Variants in CNTNAP2 observed in about 807,000 individuals in gnomAD.
CNTNAP2 encodes the protein contactin-associated protein-like 2.
In CNTNAP2, 98 loss-of-function variants were observed where a neutral mutation model predicts 155.2. The observed-to-expected ratio is 0.63, with a 90% CI of 0.54 to 0.75. The LOEUF (loss-of-function observed/expected upper bound fraction) is 0.75. CNTNAP2 is among the 30% of genes least tolerant of loss of function. The pLI is 0.00. For missense variants in CNTNAP2, 1,727 were observed against 1,688.1 expected (o/e 1.02, Z -0.40); for synonymous variants, 651 against 631.2 (o/e 1.03, Z -0.47).
chr7:146,834,328 A>G (rs535512200), intron 2 of CNTNAP2, among the ~76,000 whole-genome samples: 1 of 152,300 alleles, frequency 6.6e-6, no homozygotes, highest in African/African-American at 2.4e-5. Flanking sequence ...CAGATTCTCT[A>G]TTGTAATGGA....
At chr7:147,131,947 A>G (rs1041667161) in intron 7 of CNTNAP2, among the ~76,000 whole-genome samples, 13 of 151,892 alleles carry the variant, frequency 8.6e-5, no homozygotes, top group Non-Finnish European at 1.5e-4. Flanking sequence ...CAACACACAT[A>G]CACACTTTAC....
At chr7:147,912,887 C>T (rs759796220) in intron 14 of CNTNAP2, among the ~76,000 whole-genome samples, 7 of 152,170 alleles carry the variant, frequency 4.6e-5, no homozygotes, top group Non-Finnish European at 1.0e-4. Flanking sequence ...CAAAGGTGTG[C>T]GTCAATCACC....
chr7:146,906,638 G>A (rs575520764), intron 3 of CNTNAP2, among the ~76,000 whole-genome samples: 146 of 151,984 alleles, frequency 9.6e-4, no homozygotes, highest in African/African-American at 2.8e-3. Context: ...CATCCACACC[G>A]AAAACCCATC....
intron 9 of CNTNAP2, among the ~76,000 whole-genome samples, chr7:147,343,487 T>C (rs1795797631): frequency 6.6e-6 from 1 of 152,178 alleles, no homozygotes; most frequent in South Asian, 2.1e-4. Flanking sequence ...CATTTTAATA[T>C]TTAATTTTAC....
chr7:148,073,184 G>A, intron 15 of CNTNAP2, among the ~76,000 whole-genome samples: 1 of 152,110 alleles, frequency 6.6e-6, no homozygotes, highest in East Asian at 1.9e-4. Flanking sequence ...TGAAAACTTA[G>A]AATACACCGC....
intron 1 of CNTNAP2, among the ~76,000 whole-genome samples, chr7:146,540,429 A>G (rs775493558): frequency 7.9e-5 from 12 of 152,050 alleles, no homozygotes; most frequent in Non-Finnish European, 1.5e-4. Context: ...AGAAGCTGAA[A>G]CTGGAATTAC....
intron 8 of CNTNAP2, among the ~76,000 whole-genome samples, chr7:147,257,312 A>G (rs1360786620): frequency 1.3e-5 from 2 of 152,230 alleles, no homozygotes; most frequent in African/African-American, 2.4e-5. Context: ...TCTGTTGAAC[A>G]GGAAGCAAGT....
chr7:146,255,794 A>G (rs1018200499), intron 1 of CNTNAP2, among the ~76,000 whole-genome samples: 2 of 152,152 alleles, frequency 1.3e-5, no homozygotes, highest in Non-Finnish European at 2.9e-5. Flanking sequence ...GGAAAGTGTA[A>G]GGGCCGGTTC....
intron 15 of CNTNAP2, among the ~76,000 whole-genome samples, chr7:148,027,896 C>T (rs955648826): frequency 1.4e-4 from 22 of 152,066 alleles, no homozygotes; most frequent in Non-Finnish European, 2.6e-4. Flanking sequence ...CTTTGATGAT[C>T]GTAAAATGAC....
chr7:147,006,542 A>G (rs1798528748), intron 3 of CNTNAP2, among the ~76,000 whole-genome samples: 1 of 152,084 alleles, frequency 6.6e-6, no homozygotes, highest in South Asian at 2.1e-4. Flanking sequence ...ACCTTTCAAT[A>G]TAAATACAAG....
At position 146,531,283 on chromosome 7, in the gene CNTNAP2, C is replaced by T. The variant is rs1028885459; in HGVS notation, c.98-242988C>T. ...ACCTATTTAGGACTATGCTTATTAC[C>T]TGATTGACAAAATAATCTATACACC... On this transcript the variant is annotated intron_variant, in intron 1 of 23. Coordinates refer to ENST00000361727, the MANE Select transcript of CNTNAP2 (RefSeq NM_014141.6). Among the ~76,000 whole-genome samples, 9 of 152,120 alleles carry T rather than the reference C, an allele frequency of 5.9e-5. No individual in the cohort carries two copies. The East Asian group carries it at 1.7e-3, about 30-fold the overall frequency.
chr7:147,053,328 C>T lies in CNTNAP2; in HGVS notation c.550+9274C>T, dbSNP rs186388062. ...TTTTATTCTATGGGGAAACAGCTAT[C>T]AGTATTTAATTGTTTTTTTTCTAGT... is the stretch of plus-strand genomic sequence containing the variant. On this transcript the variant is annotated intron_variant, in intron 4 of 23. Coordinates refer to ENST00000361727, the MANE Select transcript of CNTNAP2 (RefSeq NM_014141.6). Among the ~76,000 whole-genome samples the T allele has an allele frequency of 1.4e-4, 22 of 152,092 alleles. No individual in the cohort carries two copies. The East Asian group carries it at 2.3e-3, about 16-fold the overall frequency.
chr7:147,838,672 G>A (rs536578486), intron 13 of CNTNAP2, among the ~76,000 whole-genome samples: 3 of 152,276 alleles, frequency 2.0e-5, no homozygotes, highest in South Asian at 2.1e-4. Flanking sequence ...CATTCCATCT[G>A]AGACTACCTC....
At chr7:148,001,778 C>T (rs1220319781) in intron 15 of CNTNAP2, among the ~76,000 whole-genome samples, 1 of 152,028 alleles carries the variant, frequency 6.6e-6, no homozygotes, top group African/African-American at 2.4e-5. Flanking sequence ...TTTATTGGAG[C>T]ATATAAAAGA....
rs113731407 is a variant in CNTNAP2 at position 148,097,508 on chromosome 7, G to A, written c.2384-20610G>A. ...ACTCTTTTTTGGGGGGGCGGGGCAC[G>A]GAGTCTTGCTCTGTCGCCCAGGCTG... On this transcript the variant is annotated intron_variant, in intron 15 of 23. Coordinates refer to ENST00000361727, the MANE Select transcript of CNTNAP2 (RefSeq NM_014141.6). 3.3e-5 allele frequency among the ~76,000 whole-genome samples: 5 copies of A among 152,170 alleles called. 1 individual carries two copies. The highest frequency in any genetic ancestry group is 2.1e-4 in the South Asian group (1 of 4,812).
At chr7:147,792,859 A>C (rs897030187) in intron 13 of CNTNAP2, among the ~76,000 whole-genome samples, 1 of 152,144 alleles carries the variant, frequency 6.6e-6, no homozygotes, top group Non-Finnish European at 1.5e-5. Flanking sequence ...TCTTGGCAAC[A>C]TATGTTATTG....
rs1800016424 is a variant in CNTNAP2, at chr7:148,417,300, T to G, written c.*1684T>G. The G allele has an allele frequency of 6.6e-6, 1 of 152,650 alleles. No individual in the cohort carries two copies. Among genetic ancestry groups the G allele is most frequent in the Non-Finnish European group, 1.5e-5 (1 of 68,052 alleles). The allele number at this position is 152,650 out of a possible 1,614,324, so 9.5% of individuals were successfully genotyped here. On this transcript the variant is annotated 3_prime_UTR_variant, in exon 24 of 24. Coordinates refer to ENST00000361727, the MANE Select transcript of CNTNAP2 (RefSeq NM_014141.6). ...GCCTAACTTATTGGAGCACATCAGT[T>G]TCTTGGGTAATGGAAAACATTACCT...
chr7:147,701,210 C>G (rs952617928), intron 13 of CNTNAP2, among the ~76,000 whole-genome samples: 3 of 152,146 alleles, frequency 2.0e-5, no homozygotes, highest in African/African-American at 4.8e-5. Context: ...CTGAATATTT[C>G]TCTTCCCTTG....
At chr7:147,490,382 C>T (rs1798585205) in intron 11 of CNTNAP2, among the ~76,000 whole-genome samples, 1 of 152,064 alleles carries the variant, frequency 6.6e-6, no homozygotes, top group Non-Finnish European at 1.5e-5. Context: ...TATGCTGGAG[C>T]ATTTCCTCTG....
Sources: allele counts gnomAD v4.1 joint callset (sites outside exome capture counted in the v4.1 genomes callset), GRCh38; gene constraint gnomAD v4.1.1; transcripts MANE v1.5; gene names NCBI Gene and HGNC (gene_info 2026-07-23, HGNC 2026-07-21).